FCHO1: variants seen among roughly 807,000 people sequenced by gnomAD.
The protein encoded by FCHO1 is F-BAR domain only protein 1.
In FCHO1, 45 loss-of-function variants were observed where a neutral mutation model predicts 114.4. The ratio of observed to expected loss-of-function variants is 0.39; its 90% CI spans 0.31 to 0.50. FCHO1 has a LOEUF of 0.50. FCHO1 is among the 20% of genes least tolerant of loss of function. The pLI, the probability that FCHO1 is intolerant of heterozygous loss-of-function variation, is 0.77. For missense variants in FCHO1, 1,042 were observed against 1,209.6 expected (o/e 0.86, Z 2.06); for synonymous variants, 480 against 488.9 (o/e 0.98, Z 0.24).
chr19:17,753,849 T>C (rs2082636406), intron 1 of FCHO1: 1 of 152,224 alleles, frequency 6.6e-6, no homozygotes, highest in South Asian at 2.1e-4. Flanking sequence ...GTATTTTTAA[T>C]AGAGACAGGG....
In FCHO1 at chr19:17,784,458, A is replaced by G. The variant is rs1363209348; in HGVS notation, c.2226+223A>G. Among the ~76,000 whole-genome samples the G allele has an allele frequency of 1.3e-5, 2 of 152,090 alleles. No homozygotes were observed. Among genetic ancestry groups the G allele is most frequent in the African/African-American group, 4.8e-5 (2 of 41,416 alleles). Reference sequence around the variant, plus strand: ...TGGAAGAGCGTGCATCCCCTGTTGCAGATAGTATGTTTATGTGAACTAGAA... The same window carrying G: ...TGGAAGAGCGTGCATCCCCTGTTGCGGATAGTATGTTTATGTGAACTAGAA... On this transcript the variant is annotated intron_variant, in intron 25 of 28. Transcript: ENST00000596536. The surrounding 1 kb of genome is among the most constrained non-coding windows in gnomAD (Gnocchi z 5.3).
At chr19:17,764,144 A>C (rs2087696475) in intron 5 of FCHO1, among the ~76,000 whole-genome samples, 1 of 151,508 alleles carries the variant, frequency 6.6e-6, no homozygotes, top group African/African-American at 2.4e-5. Context: ...GGTTCAAGCG[A>C]TTTTCATGCC....
chr19:17,772,002 G>A (rs1423873222), intron 9 of FCHO1, among the ~76,000 whole-genome samples: 3 of 152,008 alleles, frequency 2.0e-5, no homozygotes, highest in African/African-American at 4.8e-5. Flanking sequence ...TAGTAGAAAC[G>A]GTTTCACCAT....
rs546189981 is a variant in FCHO1 at position 17,765,400 on chromosome 19, G to A, written c.194+951G>A. Among the ~76,000 whole-genome samples the A allele has an allele frequency of 6.6e-5, 10 of 152,188 alleles. No homozygotes were observed. The South Asian group carries it at 1.7e-3, about 25-fold the overall frequency. ...TTGCATGAACCTTGTGCCCGGGCGC[G>A]GTGGCTCAAGCCTTTAATCCCAGCA... On this transcript the variant is annotated intron_variant, in intron 6 of 28. Transcript: ENST00000596536.
rs2082071979 is a variant in FCHO1, at chr19:17,751,939, G to A, written c.-183+362G>A. 4.6e-5 allele frequency among the ~76,000 whole-genome samples: 7 copies of A among 152,368 alleles called. No individual in the cohort carries two copies. The South Asian group carries it at 1.4e-3, about 32-fold the overall frequency. On this transcript the variant is annotated intron_variant, in intron 1 of 28. Coordinates refer to ENST00000596536, the MANE Select transcript of FCHO1 (RefSeq NM_015122.3). The surrounding 1 kb of genome is among the most constrained non-coding windows in gnomAD (Gnocchi z 4.4). ...CCTTCATAAAGTTGGGGTTGCCTCT[G>A]AGGGCATGGCATGAAGATTGGATGA...
intron 9 of FCHO1, among the ~76,000 whole-genome samples, chr19:17,771,450 C>T (rs2091507340): frequency 6.6e-6 from 1 of 151,216 alleles, no homozygotes; most frequent in Non-Finnish European, 1.5e-5. Flanking sequence ...AGGTGGATCA[C>T]GAGGTCAGGA....
chr19:17,775,605 T>A lies in FCHO1; in HGVS notation c.1003+92T>A. ...AGTCCACCTTCAGCAGTCCTCTCTGTGTACATCCTGGAGAGAGTCTCCTTT... is the reference window on the plus strand; with the variant it reads ...AGTCCACCTTCAGCAGTCCTCTCTGAGTACATCCTGGAGAGAGTCTCCTTT... On this transcript the variant is annotated intron_variant, in intron 15 of 28. Coordinates refer to ENST00000596536, the MANE Select transcript of FCHO1 (RefSeq NM_015122.3). The surrounding 1 kb of genome is among the most constrained non-coding windows in gnomAD (Gnocchi z 5.1). 1.7e-6 allele frequency: 2 copies of A among 1,191,968 alleles called. No homozygotes were observed. The highest frequency in any genetic ancestry group is 2.5e-6 in the Non-Finnish European group (2 of 798,502). The allele number at this position is 1,191,968 out of a possible 1,614,324, so 73.8% of individuals were successfully genotyped here. A position where few individuals can be genotyped will look rare whatever the true frequency, so the allele number is the denominator to read the frequency against.
At chr19:17,749,993 G>C (rs953469565), upstream of FCHO1, among the ~76,000 whole-genome samples, 2 of 152,196 alleles carry the variant, frequency 1.3e-5, no homozygotes, top group African/African-American at 4.8e-5. Context: ...CAGGCAAGAC[G>C]TCAGCGGCTC....
intron 3 of FCHO1, 125 bp downstream of exon 3, chr19:17,754,806 T>C (rs1426513040): frequency 3.1e-6 from 1 of 321,662 alleles, no homozygotes; most frequent in Non-Finnish European, 6.0e-6. Flanking sequence ...TGAACTCTTA[T>C]ACATGCCTAA....
In FCHO1 at chr19:17,787,733, C is replaced by G. The variant is rs1472541210; in HGVS notation, c.2534C>G (p.Pro845Arg). Reference sequence around the variant, plus strand: ...GAGCCGCTCTCAGGGCCCAGCACACCCAGCCCCGTGGCTGCACAGTTCACC... The same window carrying G: ...GAGCCGCTCTCAGGGCCCAGCACACGCAGCCCCGTGGCTGCACAGTTCACC... The part of the protein sequence containing the change: ...SWEPLSGPST[P>R]SPVAAQFTSE... Residue 845 changes from proline to arginine, a missense_variant, in exon 28 of 29, where the codon CCC (proline) becomes CGC (arginine). By Grantham distance (103) the Pro-to-Arg change is moderately radical. Coordinates refer to ENST00000596536, the MANE Select transcript of FCHO1 (RefSeq NM_015122.3). The G allele has an allele frequency of 1.9e-6, 3 of 1,586,816 alleles. No individual in the cohort carries two copies. Among genetic ancestry groups the G allele is most frequent in the Non-Finnish European group, 2.6e-6 (3 of 1,167,994 alleles).
upstream of FCHO1, among the ~76,000 whole-genome samples, chr19:17,749,426 G>A (rs1356319173): frequency 6.6e-6 from 1 of 152,176 alleles, no homozygotes; most frequent in Admixed American, 6.5e-5. Context: ...GACAGTATTA[G>A]TGCTCTTTAA....
Position 17,778,877 on chromosome 19 carries a change from C to T in FCHO1, c.1620C>T (p.Ala540=), listed in dbSNP as rs758809450. The change falls in exon 20 of 29, where the codon GCC becomes GCT. Residue 540 remains alanine, a synonymous_variant. Coordinates refer to ENST00000596536, the MANE Select transcript of FCHO1 (RefSeq NM_015122.3). ...SPGPWGLEAL[A]GGDLMPAPAD... ...GCCCCTGGGGGCTGGAGGCCTTGGC[C>T]GGAGGAGGTGAGTCCAGCGGGCCTG... 3.8e-6 allele frequency: 6 copies of T among 1,561,636 alleles called. No homozygotes were observed. Among genetic ancestry groups the T allele is most frequent in the East Asian group, 4.5e-5 (2 of 44,102 alleles).
At position 17,764,465 on chromosome 19, in the gene FCHO1, G is replaced by T. The variant is rs142054668; in HGVS notation, c.194+16G>T. 4.1e-5 allele frequency: 65 copies of T among 1,598,550 alleles called. No individual in the cohort carries two copies. The African/African-American group carries it at 6.6e-4, about 16-fold the overall frequency. ...CCCCCATGGGGTGAGTGGGGTAGGGGTCACCAACATGGGGACATTGGGAGC... is the reference window on the plus strand; with the variant it reads ...CCCCCATGGGGTGAGTGGGGTAGGGTTCACCAACATGGGGACATTGGGAGC... On this transcript the variant is annotated intron_variant, in intron 6 of 28. Coordinates refer to ENST00000596536, the MANE Select transcript of FCHO1 (RefSeq NM_015122.3).
intron 24 of FCHO1, among the ~76,000 whole-genome samples, chr19:17,783,749 T>A (rs946296538): frequency 9.2e-5 from 14 of 151,694 alleles, no homozygotes; most frequent in African/African-American, 3.2e-4. Flanking sequence ...CCTGGCTGAT[T>A]TTTGTATTTT....
chr19:17,774,842 C>T, intron 13 of FCHO1: 2 of 594,052 alleles, frequency 3.4e-6, no homozygotes, highest in African/African-American at 1.9e-5. Context: ...GATTCCTTCC[C>T]TCCCAGGCTG....
upstream of FCHO1, among the ~76,000 whole-genome samples, chr19:17,749,992 C>T (rs73015722): frequency 0.22 from 34,171 of 152,068 alleles, 4,326 homozygotes; most frequent in African/African-American, 0.35. Context: ...TCAGGCAAGA[C>T]GTCAGCGGCT....
chr19:17,778,852 GC>G lies in FCHO1; in HGVS notation c.1599del (p.Trp534GlyfsTer11), dbSNP rs767436988. The G allele has an allele frequency of 1.3e-6, 2 of 1,565,464 alleles. No individual in the cohort carries two copies. The highest frequency in any genetic ancestry group is 1.8e-5 in the Admixed American group (1 of 55,204). ...CCGCAGCCCCTCGCCTCGTCTCCAG[GC>G]CCCTGGGGGCTGGAGGCCTTGGCCG... ...DSPQPLASSP[G>X]PWGLEALAGG... On this transcript the variant is annotated frameshift_variant, in exon 20 of 29. Transcript: ENST00000596536. LOFTEE classifies it high-confidence loss of function.
rs1202258500 is a variant in FCHO1, at chr19:17,761,807, T to C, written c.28-955T>C. 1.5e-4 allele frequency among the ~76,000 whole-genome samples: 22 copies of C among 142,808 alleles called. No homozygotes were observed. The East Asian group carries it at 1.9e-3, about 13-fold the overall frequency. 93.7% of individuals were successfully genotyped at this position (142,808 alleles called of 152,430 possible). On this transcript the variant is annotated intron_variant, in intron 4 of 28. Coordinates refer to ENST00000596536, the MANE Select transcript of FCHO1 (RefSeq NM_015122.3). ...TCCCAAGTAGCTGGGATTACAGGGG[T>C]GCGCCACCATGCCTGGCTAATTTTT... is the stretch of plus-strand genomic sequence containing the variant.
intron 6 of FCHO1, among the ~76,000 whole-genome samples, chr19:17,766,246 G>A (rs960508383): frequency 7.6e-5 from 11 of 145,164 alleles, no homozygotes; most frequent in East Asian, 6.1e-4. Flanking sequence ...GTGTGATCTC[G>A]GCTCGCTGCA....
Sources: allele counts gnomAD v4.1 joint callset (sites outside exome capture counted in the v4.1 genomes callset), GRCh38; gene constraint gnomAD v4.1.1; non-coding constraint Gnocchi (gnomAD v3.1); transcripts MANE v1.5; gene names NCBI Gene and HGNC (gene_info 2026-07-23, HGNC 2026-07-21).